TPD52L2: variants seen among roughly 807,000 people sequenced by gnomAD.
The protein encoded by TPD52L2 is tumor protein D54.
Under a neutral mutation model 24.7 loss-of-function variants are expected in TPD52L2, and 19 were observed. The observed-to-expected ratio is 0.77, with a 90% CI of 0.54 to 1.13. TPD52L2 has a LOEUF of 1.13. Ranked by LOEUF, TPD52L2 falls within the 50% of genes most tolerant of loss-of-function variation. The pLI is 0.00. For synonymous variants in TPD52L2, 104 were observed against 100.2 expected, an observed-to-expected ratio of 1.04 and a Z score of -0.23; for missense variants, 236 against 250.4, an observed-to-expected ratio of 0.94 and a Z score of 0.39.
chr20:63,882,637 G>A lies in TPD52L2; in HGVS notation c.375-82G>A, dbSNP rs184627178. ...CTCCTTTCCTCAGTTTTCCTCGGGC[G>A]TGCTCCCAGTGCTTTGTTTGCTTGG... On this transcript the variant is annotated intron_variant, in intron 4 of 6. Transcript: ENST00000346249. 2.8e-4 allele frequency: 315 copies of A among 1,113,268 alleles called. No individual in the cohort carries two copies. The African/African-American group carries it at 4.1e-3, about 14-fold the overall frequency. 69.0% of individuals were successfully genotyped at this position (1,113,268 alleles called of 1,614,324 possible). A position where few individuals can be genotyped will look rare whatever the true frequency, so the allele number is the denominator to read the frequency against.
chr20:63,887,561 C>T (rs1435146014), intron 5 of TPD52L2: 2 of 1,613,480 alleles, frequency 1.2e-6, no homozygotes, highest in Non-Finnish European at 1.7e-6. Flanking sequence ...TGCTTCCAAG[C>T]AGCAGCTACT....
chr20:63,885,324 C>T (rs2053051498), intron 5 of TPD52L2, among the ~76,000 whole-genome samples: 1 of 152,196 alleles, frequency 6.6e-6, no homozygotes, highest in Non-Finnish European at 1.5e-5. Flanking sequence ...CCGTCTGACT[C>T]CGTGGTCTCA....
intron 5 of TPD52L2, among the ~76,000 whole-genome samples, chr20:63,885,659 G>A (rs2053064567): frequency 6.6e-6 from 1 of 152,232 alleles, no homozygotes; most frequent in Non-Finnish European, 1.5e-5. Flanking sequence ...CTGCTGGATG[G>A]GGCTGGTTGT....
chr20:63,878,488 C>G (rs2052774234), intron 4 of TPD52L2, among the ~76,000 whole-genome samples: 2 of 152,232 alleles, frequency 1.3e-5, no homozygotes, highest in Admixed American at 1.3e-4. Flanking sequence ...CTCAAGGTAG[C>G]ATCAACCAAA....
Position 63,889,851 on chromosome 20 carries a change from C to G in TPD52L2, c.527C>G (p.Ser176Cys), listed in dbSNP as rs201074028. 3.7e-6 allele frequency: 6 copies of G among 1,613,986 alleles called. No homozygotes were observed. The highest frequency in any genetic ancestry group is 1.1e-5 in the South Asian group (1 of 91,064). Residue 176 changes from serine to cysteine, a missense_variant and splice_region_variant, in exon 7 of 7, where the codon TCT (serine) becomes TGT (cysteine). By Grantham distance (112) the Ser-to-Cys change is moderately radical. Transcript: ENST00000346249. ...SFEDRVGTIK[S>C]KVVGDRENGS... is the part of the protein sequence containing the mutation. ...GTCTTCATCTTTTCTCTCCTGTAGT[C>G]TAAGGTTGTGGGTGACAGAGAGAAC... is the stretch of plus-strand genomic sequence containing the variant.
At chr20:63,876,007 C>T in intron 4 of TPD52L2, 132 bp downstream of exon 4, 2 of 880,012 alleles carry the variant, frequency 2.3e-6, no homozygotes, top group East Asian at 2.6e-5. Flanking sequence ...CTTCCTATAA[C>T]TTTTCTTCTC....
At position 63,886,238 on chromosome 20, in the gene TPD52L2, C is replaced by T. The variant is rs896476517; in HGVS notation, c.477-2952C>T. On this transcript the variant is annotated intron_variant, in intron 5 of 6. Transcript: ENST00000346249. ...AGCAGCGTGGGATCGACGCAGAGGC[C>T]CCCCGGAACCCCCCGGCCCTTCTGT... 3.0e-4 allele frequency among the ~76,000 whole-genome samples: 45 copies of T among 152,110 alleles called. 1 individual carries two copies. Among genetic ancestry groups the T allele is most frequent in the Non-Finnish European group, 2.6e-4 (18 of 68,020 alleles).
intron 3 of TPD52L2, 65 bp downstream of exon 3, chr20:63,873,881 A>T: frequency 7.1e-7 from 1 of 1,411,662 alleles, no homozygotes; most frequent in South Asian, 1.6e-5. Context: ...GTGCCCCGGC[A>T]TGTGGGGGGG....
chr20:63,866,544 T>C (rs2052243542), intron 1 of TPD52L2, among the ~76,000 whole-genome samples: 1 of 151,958 alleles, frequency 6.6e-6, no homozygotes, highest in Non-Finnish European at 1.5e-5. Flanking sequence ...CACTGCAAGC[T>C]CCGCCTCCCG....
In TPD52L2 at chr20:63,869,189, G is replaced by T. The variant is rs914496679; in HGVS notation, c.20-107G>T. On this transcript the variant is annotated intron_variant, in intron 1 of 6. Coordinates refer to ENST00000346249, the MANE Select transcript of TPD52L2 (RefSeq NM_003288.4). ...TTCAGAGAAGAGGTGTTAGTCTCCAGGGTCTCACCCACTCCCACCTGTGCT... is the reference window on the plus strand; with the variant it reads ...TTCAGAGAAGAGGTGTTAGTCTCCATGGTCTCACCCACTCCCACCTGTGCT... 4 of 1,301,242 alleles carry T rather than the reference G, an allele frequency of 3.1e-6. No individual in the cohort carries two copies. The Admixed American group carries it at 5.2e-5, about 17-fold the overall frequency. 80.6% of individuals were successfully genotyped at this position (1,301,242 alleles called of 1,614,324 possible).
chr20:63,872,623 C>T (rs2052509604), intron 2 of TPD52L2, among the ~76,000 whole-genome samples: 1 of 152,110 alleles, frequency 6.6e-6, no homozygotes, highest in Admixed American at 6.6e-5. Context: ...GATAATCTGC[C>T]TGCCTTGGCC....
At chr20:63,882,402 G>A (rs2052933583) in intron 4 of TPD52L2, among the ~76,000 whole-genome samples, 1 of 152,260 alleles carries the variant, frequency 6.6e-6, no homozygotes, top group Non-Finnish European at 1.5e-5. Context: ...GAGCTTAGTG[G>A]GTATCAGGCA....
intron 2 of TPD52L2, among the ~76,000 whole-genome samples, chr20:63,872,036 C>G (rs977907729): frequency 4.8e-5 from 7 of 146,882 alleles, no homozygotes; most frequent in African/African-American, 1.8e-4. Flanking sequence ...TTTCAGAGGT[C>G]ATGTTCTTTT....
chr20:63,873,594 T>C, intron 2 of TPD52L2, 74 bp from the exon 3 acceptor site: 6 of 1,535,732 alleles, frequency 3.9e-6, no homozygotes, highest in South Asian at 2.5e-5. Flanking sequence ...GTGTAACTCA[T>C]GGCACTGTGC....
At chr20:63,889,105 G>T (rs2053236962) in intron 5 of TPD52L2, 85 bp from the exon 6 acceptor site, 2 of 1,187,022 alleles carry the variant, frequency 1.7e-6, no homozygotes, top group Non-Finnish European at 2.5e-6. Flanking sequence ...TTGGAGGCTG[G>T]CCCTAACCCT....
chr20:63,878,600 C>T (rs1568950753), intron 4 of TPD52L2, among the ~76,000 whole-genome samples: 1 of 152,184 alleles, frequency 6.6e-6, no homozygotes, highest in Non-Finnish European at 1.5e-5. Context: ...ATGGCTGCGG[C>T]CTTGGAGGTG....
intron 1 of TPD52L2, among the ~76,000 whole-genome samples, chr20:63,866,988 T>C (rs963099107): frequency 6.6e-6 from 1 of 151,432 alleles, no homozygotes; most frequent in African/African-American, 2.4e-5. Context: ...ATTTTCGCTC[T>C]TGTTGCCCAC....
intron 5 of TPD52L2, among the ~76,000 whole-genome samples, chr20:63,886,451 C>CCGGGTTCAGCCTG (rs2053111239): frequency 1.3e-5 from 2 of 151,378 alleles, no homozygotes; most frequent in Admixed American, 6.6e-5. Flanking sequence ...AGCTCCGCCT[C>CCGGGTTCAGCCTG]CCGGGTTCAC....
At chr20:63,875,574 C>A (rs2052641815) in intron 3 of TPD52L2, among the ~76,000 whole-genome samples, 1 of 152,190 alleles carries the variant, frequency 6.6e-6, no homozygotes, top group Admixed American at 6.5e-5. Context: ...AGCGAGAGAC[C>A]AGGGGCTACT....
Sources: allele counts gnomAD v4.1 joint callset (sites outside exome capture counted in the v4.1 genomes callset), GRCh38; gene constraint gnomAD v4.1.1; transcripts MANE v1.5; gene names NCBI Gene and HGNC (gene_info 2026-07-23, HGNC 2026-07-21).